Variants in QTMAN observed in about 807,000 individuals in gnomAD.
QTMAN encodes the protein queuosine-tRNA mannosyltransferase.
At chr2:143,938,455 C>G in the QTMAN span, 1 of 152,194 alleles carries the variant, frequency 6.6e-6, no homozygotes, top group Non-Finnish European at 1.5e-5. Context: ...TGAGCCACCA[C>G]GCAGTGCACT....
At chr2:144,215,361 A>C in the QTMAN span, among the ~76,000 whole-genome samples, 1 of 151,998 alleles carries the variant, frequency 6.6e-6, no homozygotes, top group African/African-American at 2.4e-5. Flanking sequence ...GAATTAGTAA[A>C]GTGTCTTGGT....
chr2:144,330,006 C>T, the QTMAN span, among the ~76,000 whole-genome samples: 1 of 152,194 alleles, frequency 6.6e-6, no homozygotes, highest in Non-Finnish European at 1.5e-5. Context: ...AAACACTGTA[C>T]TCTGGGATGT....
chr2:144,011,656 A>G, the QTMAN span: 1 of 938,850 alleles, frequency 1.1e-6, no homozygotes, highest in Non-Finnish European at 1.3e-6. Context: ...AAAAAAAAAA[A>G]GGAAATAATA....
chr2:144,292,177 A>AC, the QTMAN span, among the ~76,000 whole-genome samples: 1 of 152,184 alleles, frequency 6.6e-6, no homozygotes, highest in East Asian at 1.9e-4. Context: ...CCACTGCCTA[A>AC]CAAGTAAGAT....
the QTMAN span, among the ~76,000 whole-genome samples, chr2:144,219,757 G>A: frequency 3.3e-5 from 5 of 152,172 alleles, no homozygotes; most frequent in African/African-American, 1.2e-4. Context: ...GGGAGGTGGA[G>A]GTTGCAGTGA....
chr2:144,248,723 ATC>A, the QTMAN span, among the ~76,000 whole-genome samples: 1 of 151,966 alleles, frequency 6.6e-6, no homozygotes, highest in South Asian at 2.1e-4. Context: ...TCCAAAAACA[ATC>A]TGAGTAAAGT....
At chr2:144,095,006 C>T in the QTMAN span, among the ~76,000 whole-genome samples, 8,829 of 152,204 alleles carry the variant, frequency 0.058, 865 homozygotes, top group African/African-American at 0.2. Context: ...TCCAATGATG[C>T]TGTGCATGTG....
chr2:144,242,209 T>C, the QTMAN span, among the ~76,000 whole-genome samples: 1 of 152,180 alleles, frequency 6.6e-6, no homozygotes, highest in Admixed American at 6.5e-5. Context: ...TAAAATGTTT[T>C]TTCACAGAAT....
chr2:144,257,347 GGA>G, the QTMAN span, among the ~76,000 whole-genome samples: 1 of 151,864 alleles, frequency 6.6e-6, no homozygotes, highest in African/African-American at 2.4e-5. Context: ...TTTCTACCTA[GGA>G]GAGAATAGGA....
chr2:143,959,997 A>C, the QTMAN span, among the ~76,000 whole-genome samples: 1 of 152,124 alleles, frequency 6.6e-6, no homozygotes, highest in African/African-American at 2.4e-5. Context: ...AAAACATCAG[A>C]GTGCGTCAAA....
the QTMAN span, among the ~76,000 whole-genome samples, chr2:144,043,619 T>C: frequency 0.17 from 25,448 of 149,534 alleles, 4,179 homozygotes; most frequent in African/African-American, 0.42. Flanking sequence ...GGCAATAGAA[T>C]AAGACTCCGT....
At chr2:144,107,830 A>G in the QTMAN span, among the ~76,000 whole-genome samples, 1 of 152,216 alleles carries the variant, frequency 6.6e-6, no homozygotes, top group Non-Finnish European at 1.5e-5. Context: ...AATATCCCTG[A>G]TGAACATTGA....
At chr2:144,114,315 G>A in the QTMAN span, among the ~76,000 whole-genome samples, 7 of 151,986 alleles carry the variant, frequency 4.6e-5, no homozygotes, top group African/African-American at 9.7e-5. Flanking sequence ...GTTTTTAAAC[G>A]ACTTTACCAA....
chr2:144,206,752 T>C, the QTMAN span, among the ~76,000 whole-genome samples: 4 of 152,152 alleles, frequency 2.6e-5, no homozygotes, highest in Admixed American at 6.5e-5. Flanking sequence ...TCAAAGAGAG[T>C]AGGGAAGCCA....
the QTMAN span, among the ~76,000 whole-genome samples, chr2:144,120,306 T>G: frequency 7.5e-4 from 114 of 152,180 alleles, 1 homozygote; most frequent in Non-Finnish European, 1.2e-3. Flanking sequence ...GGTAGGTACT[T>G]AAAATCTGTA....
At chr2:144,065,599 A>G in the QTMAN span, among the ~76,000 whole-genome samples, 154 of 152,194 alleles carry the variant, frequency 1.0e-3, no homozygotes, top group African/African-American at 2.9e-3. Flanking sequence ...AGGGGTGGTA[A>G]CACTGTTACT....
At chr2:144,181,358 TTAGATTCA>T in the QTMAN span, among the ~76,000 whole-genome samples, 1 of 152,220 alleles carries the variant, frequency 6.6e-6, no homozygotes, top group African/African-American at 2.4e-5. Flanking sequence ...CAATTTAGTT[TTAGATTCA>T]AATACTAGTT....
the QTMAN span, among the ~76,000 whole-genome samples, chr2:144,071,353 T>G: frequency 6.6e-6 from 1 of 152,146 alleles, no homozygotes; most frequent in African/African-American, 2.4e-5. Context: ...AAACTTGGTT[T>G]TTTTATTGTG....
At chr2:144,086,367 G>A in the QTMAN span, among the ~76,000 whole-genome samples, 4 of 152,066 alleles carry the variant, frequency 2.6e-5, no homozygotes, top group South Asian at 2.1e-4. Context: ...GGCTGGTCTC[G>A]AACTCTGGGG....
Sources: allele counts gnomAD v4.1 joint callset (sites outside exome capture counted in the v4.1 genomes callset), GRCh38; gene constraint gnomAD v4.1.1; transcripts MANE v1.5; gene names NCBI Gene and HGNC (gene_info 2026-07-23, HGNC 2026-07-21).